AFG1L: variants seen among roughly 807,000 people sequenced by gnomAD.
The protein encoded by AFG1L is AFG1-like ATPase.
In AFG1L, 53 loss-of-function variants were observed where a neutral mutation model predicts 62.2. The ratio of observed to expected loss-of-function variants is 0.85; its 90% CI spans 0.68 to 1.07. The LOEUF (loss-of-function observed/expected upper bound fraction) is 1.07, where lower values mean the gene tolerates loss of function less well. Among genes scored for constraint, AFG1L ranks in the 50% least tolerant of loss-of-function variants. The pLI, the probability that AFG1L is intolerant of heterozygous loss-of-function variation, is 0.00. For synonymous variants in AFG1L, 228 were observed against 210.3 expected (o/e 1.08, Z -0.73); for missense variants, 555 against 590.5 (o/e 0.94, Z 0.62).
chr6:108,483,366 A>C (rs1773403051), intron 10 of AFG1L, among the ~76,000 whole-genome samples: 1 of 152,220 alleles, frequency 6.6e-6, no homozygotes, highest in South Asian at 2.1e-4. Flanking sequence ...GAAATAACCC[A>C]TATAAGCAAA....
chr6:108,465,754 T>C (rs1772640773), intron 8 of AFG1L, among the ~76,000 whole-genome samples: 1 of 152,262 alleles, frequency 6.6e-6, no homozygotes, highest in Non-Finnish European at 1.5e-5. Flanking sequence ...GAAGCACGGG[T>C]TTTAAAATTT....
At chr6:108,398,766 T>C (rs1249711518) in intron 6 of AFG1L, among the ~76,000 whole-genome samples, 1 of 152,158 alleles carries the variant, frequency 6.6e-6, no homozygotes, top group Non-Finnish European at 1.5e-5. Flanking sequence ...TGTAGGTATG[T>C]GGATTTGTTT....
At chr6:108,321,446 C>T (rs1304557214) in intron 1 of AFG1L, among the ~76,000 whole-genome samples, 6 of 152,150 alleles carry the variant, frequency 3.9e-5, no homozygotes, top group African/African-American at 1.2e-4. Flanking sequence ...GGGGTCAGTG[C>T]GTGGGGCTGA....
intron 8 of AFG1L, among the ~76,000 whole-genome samples, chr6:108,472,810 C>CTTTT (rs527868653): frequency 7.7e-6 from 1 of 129,384 alleles, no homozygotes; most frequent in Non-Finnish European, 1.6e-5. Context: ...CTTTTCTTTT[C>CTTTT]TTTTTTTTTT....
At chr6:108,381,301 AT>A (rs1246275166) in intron 6 of AFG1L, among the ~76,000 whole-genome samples, 2 of 151,240 alleles carry the variant, frequency 1.3e-5, no homozygotes, top group African/African-American at 4.9e-5. Context: ...CAATTTTGTC[AT>A]TTAGGTAAAT....
At chr6:108,443,429 C>T (rs1771628743) in intron 7 of AFG1L, among the ~76,000 whole-genome samples, 1 of 152,192 alleles carries the variant, frequency 6.6e-6, no homozygotes, top group South Asian at 2.1e-4. Context: ...ATCATAGTCA[C>T]AACATTCAAG....
At chr6:108,446,567 C>T (rs960392792) in intron 7 of AFG1L, among the ~76,000 whole-genome samples, 1 of 148,946 alleles carries the variant, frequency 6.7e-6, no homozygotes, top group Non-Finnish European at 1.5e-5. Flanking sequence ...TGCAGTGGCA[C>T]GATCATAGCT....
intron 2 of AFG1L, among the ~76,000 whole-genome samples, chr6:108,326,725 C>G (rs564372518): frequency 6.6e-6 from 1 of 152,072 alleles, no homozygotes; most frequent in Non-Finnish European, 1.5e-5. Flanking sequence ...TTTGGGAAGC[C>G]GAGGTGGGCA....
chr6:108,392,486 G>C (rs986754887), intron 6 of AFG1L, among the ~76,000 whole-genome samples: 2 of 152,030 alleles, frequency 1.3e-5, no homozygotes, highest in Admixed American at 1.3e-4. Flanking sequence ...TGTAAATCTT[G>C]GTTCCTCTTT....
At chr6:108,362,324 G>A (rs1242650679) in intron 5 of AFG1L, among the ~76,000 whole-genome samples, 1 of 151,468 alleles carries the variant, frequency 6.6e-6, no homozygotes, top group Admixed American at 6.6e-5. Flanking sequence ...CATCTTTTAT[G>A]AACTATTTGA....
At chr6:108,360,790 T>G (rs888496770) in intron 5 of AFG1L, among the ~76,000 whole-genome samples, 1 of 152,212 alleles carries the variant, frequency 6.6e-6, no homozygotes, top group African/African-American at 2.4e-5. Flanking sequence ...CAAAATTAGA[T>G]GATCACAAGT....
chr6:108,453,023 A>G (rs960566595), intron 8 of AFG1L, among the ~76,000 whole-genome samples: 5 of 152,190 alleles, frequency 3.3e-5, no homozygotes, highest in African/African-American at 9.7e-5. Context: ...GGAGAGACCC[A>G]TGGAGGGGCT....
At chr6:108,333,951 T>C (rs1396422850) in intron 2 of AFG1L, among the ~76,000 whole-genome samples, 1 of 152,252 alleles carries the variant, frequency 6.6e-6, no homozygotes, top group East Asian at 1.9e-4. Flanking sequence ...TATTCCATTG[T>C]GAAAATATTT....
chr6:108,364,148 A>G (rs1418980160), intron 5 of AFG1L, among the ~76,000 whole-genome samples: 3 of 152,176 alleles, frequency 2.0e-5, no homozygotes, highest in Non-Finnish European at 4.4e-5. Context: ...CTGGGTACTG[A>G]AAAAGCCAGC....
intron 7 of AFG1L, among the ~76,000 whole-genome samples, chr6:108,415,737 G>A (rs529053129): frequency 3.5e-4 from 53 of 152,260 alleles, no homozygotes; most frequent in Non-Finnish European, 6.0e-4. Flanking sequence ...GCTGAAACTG[G>A]ATCCCTTCCT....
chr6:108,505,184 C>T (rs1186177208), intron 10 of AFG1L, among the ~76,000 whole-genome samples: 1 of 151,716 alleles, frequency 6.6e-6, no homozygotes, highest in Admixed American at 6.6e-5. Flanking sequence ...AACCTCCGCG[C>T]CCAGGTTCAA....
intron 1 of AFG1L, among the ~76,000 whole-genome samples, chr6:108,322,195 A>G (rs1777837534): frequency 6.6e-6 from 1 of 152,178 alleles, no homozygotes; most frequent in South Asian, 2.1e-4. Context: ...GGTGTGAGCC[A>G]CTGTGCCTGG....
chr6:108,324,137 A>T (rs1777938147), intron 2 of AFG1L, 89 bp downstream of exon 2: 2 of 924,118 alleles, frequency 2.2e-6, no homozygotes, highest in Admixed American at 5.6e-5. Context: ...CAATCATGAA[A>T]CATCTTGAAA....
chr6:108,328,712 A>C (rs1220543638), intron 2 of AFG1L, among the ~76,000 whole-genome samples: 1 of 151,964 alleles, frequency 6.6e-6, no homozygotes, highest in Admixed American at 6.6e-5. Flanking sequence ...CATCCCCAGG[A>C]CCCATCTTAC....
Sources: allele counts gnomAD v4.1 joint callset (sites outside exome capture counted in the v4.1 genomes callset), GRCh38; gene constraint gnomAD v4.1.1; transcripts MANE v1.5; gene names NCBI Gene and HGNC (gene_info 2026-07-23, HGNC 2026-07-21).